Variants in CEMIP2 observed in about 807,000 individuals in gnomAD.
CEMIP2 encodes the protein cell surface hyaluronidase CEMIP2.
Under a neutral mutation model 146.9 loss-of-function variants are expected in CEMIP2, and 79 were observed. The observed-to-expected ratio is 0.54, with a 90% CI of 0.45 to 0.65. The LOEUF is 0.65. Ranked by LOEUF, CEMIP2 falls within the 30% of genes least tolerant of loss-of-function variation. The pLI is 0.00. For missense variants in CEMIP2, 1,596 were observed against 1,696.2 expected, an observed-to-expected ratio of 0.94 and a Z score of 1.04; for synonymous variants, 601 against 606.3, an observed-to-expected ratio of 0.99 and a Z score of 0.13.
At chr9:71,686,659 G>A (rs756592930) in intron 22 of CEMIP2, 6 of 152,020 alleles carry the variant, frequency 3.9e-5, no homozygotes, top group Non-Finnish European at 7.4e-5. Context: ...TGTTGTTGTT[G>A]TTGTTTATAA....
At chr9:71,766,130 AC>A (rs946939107) in intron 1 of CEMIP2, among the ~76,000 whole-genome samples, 4 of 148,998 alleles carry the variant, frequency 2.7e-5, no homozygotes, top group African/African-American at 1.0e-4. Flanking sequence ...GTGTAGTGGC[AC>A]GATCTCGGCT....
intron 1 of CEMIP2, among the ~76,000 whole-genome samples, chr9:71,757,885 C>T (rs1036943323): frequency 6.6e-6 from 1 of 152,146 alleles, no homozygotes; most frequent in African/African-American, 2.4e-5. Context: ...TAGAAAATAA[C>T]CTTAGCAAAG....
intron 1 of CEMIP2, among the ~76,000 whole-genome samples, chr9:71,766,907 T>G (rs1824815171): frequency 1.3e-5 from 2 of 152,192 alleles, no homozygotes; most frequent in African/African-American, 2.4e-5. Context: ...AAACTGATCC[T>G]CTAATGCAGG....
chr9:71,755,438 G>A (rs934662026), intron 1 of CEMIP2, among the ~76,000 whole-genome samples: 4 of 151,608 alleles, frequency 2.6e-5, no homozygotes, highest in African/African-American at 9.7e-5. Context: ...TACTCCGGAG[G>A]CGGAGGCAGT....
intron 1 of CEMIP2, among the ~76,000 whole-genome samples, chr9:71,765,957 T>C (rs1283534855): frequency 6.6e-6 from 1 of 152,210 alleles, no homozygotes; most frequent in Admixed American, 6.5e-5. Flanking sequence ...GGGTGAATGA[T>C]GCAATGCTCA....
At chr9:71,713,908 A>C (rs939907571) in intron 15 of CEMIP2, among the ~76,000 whole-genome samples, 2 of 152,244 alleles carry the variant, frequency 1.3e-5, no homozygotes, top group Non-Finnish European at 2.9e-5. Flanking sequence ...CATGTTAGCA[A>C]TTAAAAAATC....
chr9:71,760,457 T>A lies in CEMIP2; in HGVS notation c.-13+7900A>T, dbSNP rs566173769. On this transcript the variant is annotated intron_variant, in intron 1 of 23. Transcript: ENST00000377044. Reference sequence around the variant, plus strand: ...AAGAAATATTTAAAATTCATTCCTATGTTTCTGTCATTTATGCAAGGTAAA... The same window carrying A: ...AAGAAATATTTAAAATTCATTCCTAAGTTTCTGTCATTTATGCAAGGTAAA... 2.8e-5 allele frequency among the ~76,000 whole-genome samples: 4 copies of A among 143,928 alleles called. No individual in the cohort carries two copies. In the South Asian group the frequency reaches 8.5e-4, roughly 31 times the overall value. 94.4% of individuals were successfully genotyped at this position (143,928 alleles called of 152,430 possible).
At chr9:71,719,752 G>A (rs1823176175) in intron 12 of CEMIP2, among the ~76,000 whole-genome samples, 1 of 146,672 alleles carries the variant, frequency 6.8e-6, no homozygotes, top group Non-Finnish European at 1.5e-5. Context: ...CTCTGGCATT[G>A]TAGTTCCTGC....
In CEMIP2 at chr9:71,709,192, C is replaced by T. The variant is rs1394963569; in HGVS notation, c.2985+67G>A. On this transcript the variant is annotated intron_variant, in intron 17 of 23. Coordinates refer to ENST00000377044, the MANE Select transcript of CEMIP2 (RefSeq NM_013390.3). ...AATCACACTGAAAAGCTGAAGAGTACTTCTCACAGAAGCAGTGCTGGCAGG... is the reference window on the plus strand; with the variant it reads ...AATCACACTGAAAAGCTGAAGAGTATTTCTCACAGAAGCAGTGCTGGCAGG... 9.7e-6 allele frequency: 14 copies of T among 1,448,170 alleles called. 1 individual carries two copies. In the Middle Eastern group the frequency reaches 5.2e-4, roughly 54 times the overall value. The allele number at this position is 1,448,170 out of a possible 1,614,324, so 89.7% of individuals were successfully genotyped here.
intron 15 of CEMIP2, 46 bp from the exon 16 acceptor site, chr9:71,712,306 T>C: frequency 5.1e-6 from 8 of 1,563,094 alleles, no homozygotes; most frequent in Non-Finnish European, 7.0e-6. Flanking sequence ...GCTGTCCCCT[T>C]AGCAGCACTT....
chr9:71,747,425 T>C (rs1172337443), intron 2 of CEMIP2, among the ~76,000 whole-genome samples: 3 of 152,170 alleles, frequency 2.0e-5, no homozygotes, highest in Non-Finnish European at 2.9e-5. Context: ...TGAGGCAGCT[T>C]CATGAACAGG....
intron 17 of CEMIP2, among the ~76,000 whole-genome samples, chr9:71,705,795 T>G (rs1822717138): frequency 6.6e-6 from 1 of 150,848 alleles, no homozygotes; most frequent in South Asian, 2.1e-4. Flanking sequence ...ACATGTACAT[T>G]TATATATGTG....
chr9:71,719,544 T>C (rs1393618388), intron 12 of CEMIP2, among the ~76,000 whole-genome samples: 1 of 152,184 alleles, frequency 6.6e-6, no homozygotes. Flanking sequence ...GAATGGATTA[T>C]AGAGAATGGA....
At position 71,730,911 on chromosome 9, in the gene CEMIP2, T is replaced by G; in HGVS notation, c.1567A>C (p.Met523Leu). ...AGATGGACTGAAGTAAAATTTTTCA[T>G]TATCTGTAAGTCAAGGTACTAAAAT... ...YDTFGGHIMI[M>L]KNFTSVHLSY... Residue 523 changes from methionine to leucine, a missense_variant, in exon 8 of 24, where the codon ATG becomes CTG. Met to Leu is a conservative substitution (Grantham distance 15). Coordinates refer to ENST00000377044, the MANE Select transcript of CEMIP2 (RefSeq NM_013390.3). The G allele has an allele frequency of 6.2e-7, 1 of 1,614,048 alleles. No homozygotes were observed. The highest frequency in any genetic ancestry group is 8.5e-7 in the Non-Finnish European group (1 of 1,179,902).
chr9:71,719,229 C>T (rs539098423), intron 12 of CEMIP2, among the ~76,000 whole-genome samples: 5 of 152,118 alleles, frequency 3.3e-5, no homozygotes, highest in South Asian at 4.2e-4. Flanking sequence ...ATGCTAATAC[C>T]ACAGCTGTTG....
At chr9:71,725,429 A>G in intron 11 of CEMIP2, 152 bp downstream of exon 11, 1 of 814,490 alleles carries the variant, frequency 1.2e-6, no homozygotes, top group Non-Finnish European at 1.8e-6. Context: ...CAGCCTTCAG[A>G]AGTGTGAGCC....
In CEMIP2 at chr9:71,705,776, T is replaced by C. The variant is rs191287988; in HGVS notation, c.2986-973A>G. Among the ~76,000 whole-genome samples the C allele has an allele frequency of 6.8e-3, 1,021 of 150,586 alleles. 11 individuals carry two copies. The highest frequency in any genetic ancestry group is 6.6e-3 in the Non-Finnish European group (448 of 67,750). On this transcript the variant is annotated intron_variant, in intron 17 of 23. Transcript: ENST00000377044. ...ATATATTTATATATATTTATGTATA[T>C]GTATATTTACATGTACATTTATATA...
At chr9:71,720,424 C>T (rs189671407) in intron 12 of CEMIP2, among the ~76,000 whole-genome samples, 218 of 152,206 alleles carry the variant, frequency 1.4e-3, no homozygotes, top group African/African-American at 4.9e-3. Flanking sequence ...CTGAGTAGCT[C>T]AGATTACAGA....
intron 20 of CEMIP2, among the ~76,000 whole-genome samples, chr9:71,695,158 C>A (rs1390487622): frequency 2.0e-5 from 3 of 152,154 alleles, no homozygotes; most frequent in African/African-American, 2.4e-5. Flanking sequence ...CACTTTCCCA[C>A]AAGCACTCCA....
Sources: gnomAD v4.1 joint callset for allele counts (sites outside exome capture counted in the v4.1 genomes callset) on GRCh38, gnomAD v4.1.1 for gene constraint, MANE v1.5 for transcripts, NCBI Gene and HGNC (gene_info 2026-07-23, HGNC 2026-07-21) for gene names.